Variants in GRM5 observed in about 807,000 individuals in gnomAD.
The protein encoded by GRM5 is glutamate metabotropic receptor 5.
A neutral mutation model predicts 83.1 loss-of-function variants in GRM5; 19 were observed. The observed-to-expected ratio is 0.23, with a 90% CI of 0.16 to 0.34. The LOEUF (loss-of-function observed/expected upper bound fraction) is 0.34. GRM5 is among the 10% of genes least tolerant of loss of function. GRM5 has a pLI of 1.00. For missense variants in GRM5, 1,160 were observed against 1,588.3 expected (o/e 0.73, Z 4.58); for synonymous variants, 675 against 633.6 (o/e 1.07, Z -0.98).
intron 2 of GRM5, among the ~76,000 whole-genome samples, chr11:89,035,844 A>T (rs1163523140): frequency 4.6e-5 from 7 of 151,996 alleles, no homozygotes; most frequent in Admixed American, 1.3e-4. Context: ...TAATCTGCCT[A>T]TTTCCTAGGG....
At chr11:88,714,100 T>A (rs986439584) in intron 3 of GRM5, among the ~76,000 whole-genome samples, 2 of 151,950 alleles carry the variant, frequency 1.3e-5, no homozygotes, top group African/African-American at 4.8e-5. Flanking sequence ...CAATTCTAAT[T>A]TGATATATAC....
At chr11:89,046,187 A>G (rs1231893225) in intron 2 of GRM5, among the ~76,000 whole-genome samples, 2 of 152,210 alleles carry the variant, frequency 1.3e-5, no homozygotes, top group Non-Finnish European at 2.9e-5. Flanking sequence ...TATGTGTTGC[A>G]TAAATATATT....
At chr11:89,026,530 G>A (rs540810738) in intron 2 of GRM5, among the ~76,000 whole-genome samples, 4 of 152,202 alleles carry the variant, frequency 2.6e-5, no homozygotes, top group African/African-American at 7.2e-5. Context: ...TTTGTCTCAA[G>A]TTTACTGTGA....
intron 3 of GRM5, among the ~76,000 whole-genome samples, chr11:88,676,944 T>C (rs1940344991): frequency 1.3e-5 from 2 of 152,068 alleles, no homozygotes; most frequent in Admixed American, 1.3e-4. Context: ...CAGCTAATTA[T>C]ATGAGAAATA....
In GRM5 at chr11:88,758,709, G is replaced by A. The variant is rs181339612; in HGVS notation, c.911+91197C>T. ...TAAGAACTTTTACAACCTAGCCAGA[G>A]AGGCAAATGTTTATATTCAGGAAAT... On this transcript the variant is annotated intron_variant, in intron 3 of 9. Transcript: ENST00000305447. 1.4e-3 allele frequency among the ~76,000 whole-genome samples: 206 copies of A among 152,228 alleles called. 1 individual carries two copies. Among genetic ancestry groups the A allele is most frequent in the Admixed American group, 3.6e-3 (55 of 15,284 alleles).
chr11:88,555,923 A>G (rs541779409), intron 8 of GRM5, among the ~76,000 whole-genome samples: 2 of 152,270 alleles, frequency 1.3e-5, no homozygotes, highest in South Asian at 2.1e-4. Context: ...GGGCCAAGTT[A>G]AAACTCATAT....
At chr11:88,846,859 A>G (rs1345853582) in intron 3 of GRM5, among the ~76,000 whole-genome samples, 1 of 152,180 alleles carries the variant, frequency 6.6e-6, no homozygotes, top group African/African-American at 2.4e-5. Flanking sequence ...GCACTGATAT[A>G]AAATACTAAT....
chr11:88,889,100 C>A (rs1565278634), intron 2 of GRM5, among the ~76,000 whole-genome samples: 1 of 152,140 alleles, frequency 6.6e-6, no homozygotes, highest in African/African-American at 2.4e-5. Context: ...GCAGGGTTTA[C>A]AAAATATCTT....
intron 4 of GRM5, among the ~76,000 whole-genome samples, chr11:88,642,697 C>G (rs1355437467): frequency 1.3e-5 from 2 of 152,136 alleles, no homozygotes; most frequent in African/African-American, 2.4e-5. Flanking sequence ...AATCATCACT[C>G]TTTAGTTCAA....
At position 88,509,117 on chromosome 11, in the gene GRM5, A is replaced by G; in HGVS notation, c.3114T>C (p.Asp1038=). 5 of 1,545,384 alleles carry G rather than the reference A, an allele frequency of 3.2e-6. No individual in the cohort carries two copies. The highest frequency in any genetic ancestry group is 4.4e-6 in the Non-Finnish European group (5 of 1,145,610). The part of the protein sequence containing the change: ...RAGSASRTDD[D]VPSLHSEPVA... Reference sequence around the variant, plus strand: ...CAGGCTCCGAGTGCAGCGACGGCACATCGTCGTCCGTGCGGCTGGCCGAGC... The same window carrying G: ...CAGGCTCCGAGTGCAGCGACGGCACGTCGTCGTCCGTGCGGCTGGCCGAGC... The change falls in exon 10 of 10, where the codon GAT becomes GAC. Residue 1038 remains aspartate (D), a synonymous_variant. Coordinates refer to ENST00000305447, the MANE Select transcript of GRM5 (RefSeq NM_001143831.3).
intron 2 of GRM5, among the ~76,000 whole-genome samples, chr11:88,953,860 T>C (rs1418561901): frequency 6.6e-6 from 1 of 152,242 alleles, no homozygotes; most frequent in African/African-American, 2.4e-5. Flanking sequence ...ACTTTTGTAA[T>C]GTAGCAACTC....
chr11:88,745,041 T>C (rs916545339), intron 3 of GRM5, among the ~76,000 whole-genome samples: 1 of 152,092 alleles, frequency 6.6e-6, no homozygotes, highest in Admixed American at 6.6e-5. Flanking sequence ...ATTTTACACA[T>C]AGCAAATAAA....
chr11:88,675,651 G>A (rs765820379), intron 3 of GRM5, among the ~76,000 whole-genome samples: 27 of 152,000 alleles, frequency 1.8e-4, no homozygotes, highest in South Asian at 4.1e-4. Flanking sequence ...AGGAATAAAA[G>A]TAGTGAGAGT....
intron 4 of GRM5, among the ~76,000 whole-genome samples, chr11:88,639,192 G>T (rs1312131820): frequency 6.6e-6 from 1 of 152,088 alleles, no homozygotes; most frequent in Non-Finnish European, 1.5e-5. Context: ...ACAGTGTTCT[G>T]TTTTAAGTGG....
chr11:88,565,704 G>A (rs919618884), intron 8 of GRM5, among the ~76,000 whole-genome samples: 2 of 152,236 alleles, frequency 1.3e-5, no homozygotes, highest in African/African-American at 4.8e-5. Flanking sequence ...TGAAAGGCCT[G>A]CTGTGTACAG....
chr11:88,936,777 T>G (rs897133411), intron 2 of GRM5, among the ~76,000 whole-genome samples: 5 of 151,864 alleles, frequency 3.3e-5, no homozygotes, highest in African/African-American at 1.2e-4. Flanking sequence ...TATAAGGGCA[T>G]TGAAAAAGCC....
chr11:89,006,110 G>C (rs1250553355), intron 2 of GRM5, among the ~76,000 whole-genome samples: 1 of 152,200 alleles, frequency 6.6e-6, no homozygotes, highest in Non-Finnish European at 1.5e-5. Context: ...AAAAAGCACA[G>C]TGTTGCAGAA....
At chr11:88,822,052 TC>T (rs1415633452) in intron 3 of GRM5, among the ~76,000 whole-genome samples, 9 of 152,178 alleles carry the variant, frequency 5.9e-5, no homozygotes, top group Admixed American at 5.2e-4. Context: ...ATGATTACTT[TC>T]CCAGATTATT....
intron 2 of GRM5, among the ~76,000 whole-genome samples, chr11:89,008,694 G>A (rs1940598027): frequency 6.6e-6 from 1 of 151,936 alleles, no homozygotes; most frequent in Non-Finnish European, 1.5e-5. Flanking sequence ...AAATAGTTTG[G>A]TCTACTCTAC....
Sources: allele counts gnomAD v4.1 joint callset (sites outside exome capture counted in the v4.1 genomes callset), GRCh38; gene constraint gnomAD v4.1.1; transcripts MANE v1.5; gene names NCBI Gene and HGNC (gene_info 2026-07-23, HGNC 2026-07-21).